Variants in COBLL1 observed in about 807,000 individuals in gnomAD.
COBLL1 encodes the protein cordon-bleu protein-like 1.
A neutral mutation model predicts 94.8 loss-of-function variants in COBLL1; 50 were observed. The ratio of observed to expected loss-of-function variants is 0.53; its 90% CI spans 0.42 to 0.67. The LOEUF (loss-of-function observed/expected upper bound fraction) is 0.67, where lower values mean the gene tolerates loss of function less well. Ranked by LOEUF, COBLL1 falls within the 30% of genes least tolerant of loss-of-function variation. The pLI, the probability that COBLL1 is intolerant of heterozygous loss-of-function variation, is 0.00. For synonymous variants in COBLL1, 448 were observed against 473.8 expected (o/e 0.95, Z 0.71); for missense variants, 1,362 against 1,348.7 (o/e 1.01, Z -0.15).
intron 3 of COBLL1, among the ~76,000 whole-genome samples, chr2:164,737,126 C>T (rs1021774058): frequency 1.3e-5 from 2 of 152,110 alleles, no homozygotes; most frequent in African/African-American, 4.8e-5. Flanking sequence ...TACACCACTG[C>T]ACTCCAGCCT....
intron 1 of COBLL1, among the ~76,000 whole-genome samples, chr2:164,672,728 A>AAAAAAAAAAAAT (rs67260713): frequency 7.5e-6 from 1 of 132,494 alleles, no homozygotes; most frequent in African/African-American, 3.2e-5. Context: ...AAAAAAAAAA[A>AAAAAAAAAAAAT]ATGACTTTGT....
chr2:164,714,802 A>G (rs1685081438), intron 7 of COBLL1, among the ~76,000 whole-genome samples: 1 of 152,218 alleles, frequency 6.6e-6, no homozygotes, highest in Non-Finnish European at 1.5e-5. Flanking sequence ...ATACTGGTAA[A>G]GTAAGCCTCC....
rs541137295 is a variant in COBLL1, at chr2:164,684,164, T to C, written c.*1782A>G. On this transcript the variant is annotated 3_prime_UTR_variant, in exon 14 of 14. Coordinates refer to ENST00000652658, the MANE Select transcript of COBLL1 (RefSeq NM_001365672.2). The stretch of plus-strand genomic sequence containing the variant: ...TATTTCCCTGATTATCAGTGAAGAG[T>C]ATTTTTTTTCCATGTTTGTTGGCCT... The C allele has an allele frequency of 2.6e-5, 4 of 152,224 alleles. No homozygotes were observed. The East Asian group carries it at 7.7e-4, about 29-fold the overall frequency. The allele number at this position is 152,224 out of a possible 1,614,324, so 9.4% of individuals were successfully genotyped here. A position where few individuals can be genotyped will look rare whatever the true frequency, so the allele number is the denominator to read the frequency against.
rs930961362 is a variant in COBLL1, at chr2:164,684,419, C to A, written c.*1527G>T. ...TTATAAGTAGATAATTATGACAACA[C>A]AATTTTTTAAAAAAAATTCACTCCT... is the stretch of plus-strand genomic sequence containing the variant. On this transcript the variant is annotated 3_prime_UTR_variant, in exon 14 of 14. Transcript: ENST00000652658. The A allele has an allele frequency of 6.6e-6, 1 of 151,988 alleles. No individual in the cohort carries two copies. Among genetic ancestry groups the A allele is most frequent in the African/African-American group, 2.4e-5 (1 of 41,394 alleles). 9.4% of individuals were successfully genotyped at this position (151,988 alleles called of 1,614,324 possible). A position where few individuals can be genotyped will look rare whatever the true frequency, so the allele number is the denominator to read the frequency against.
chr2:164,714,714 C>T lies in COBLL1; in HGVS notation c.996+7361G>A, dbSNP rs567541381. On this transcript the variant is annotated intron_variant, in intron 7 of 13. Transcript: ENST00000652658. The stretch of plus-strand genomic sequence containing the variant: ...CTATCTGCCCTGGCCTCTGTTAACA[C>T]ATGCTGGTTACCAGAGAAATGCAAA... Among the ~76,000 whole-genome samples the T allele has an allele frequency of 2.6e-5, 4 of 152,262 alleles. No homozygotes were observed. The East Asian group carries it at 7.7e-4, about 29-fold the overall frequency.
At chr2:164,840,843 A>T in intron 2 of COBLL1, 1 of 298,440 alleles carries the variant, frequency 3.4e-6, no homozygotes, top group Non-Finnish European at 6.1e-6. Context: ...CCGCTCCCCC[A>T]GAGCCCAAAC....
chr2:164,702,575 A>AAAAAAAT (rs1553469790), intron 9 of COBLL1, among the ~76,000 whole-genome samples: 15 of 135,076 alleles, frequency 1.1e-4, no homozygotes, highest in African/African-American at 3.9e-4. Context: ...AAAAAAAAAA[A>AAAAAAAT]AATAATAATA....
intron 2 of COBLL1, among the ~76,000 whole-genome samples, chr2:164,811,728 A>G (rs1684468174): frequency 6.6e-6 from 1 of 151,982 alleles, no homozygotes; most frequent in Non-Finnish European, 1.5e-5. Flanking sequence ...GGAACAGCCA[A>G]AAAAGTATAT....
intron 2 of COBLL1, among the ~76,000 whole-genome samples, chr2:164,781,287 T>C (rs971222446): frequency 3.3e-5 from 5 of 152,140 alleles, no homozygotes; most frequent in Non-Finnish European, 7.4e-5. Context: ...AATAGCACAA[T>C]AATGGCCCAT....
intron 2 of COBLL1, among the ~76,000 whole-genome samples, chr2:164,819,179 TATA>T (rs1024715975): frequency 8.2e-4 from 125 of 152,280 alleles, no homozygotes; most frequent in Non-Finnish European, 2.4e-4. Context: ...GAATTGTCTC[TATA>T]ATAATAATCA....
chr2:164,813,467 T>G (rs183415787), intron 2 of COBLL1, among the ~76,000 whole-genome samples: 3 of 152,256 alleles, frequency 2.0e-5, no homozygotes, highest in Non-Finnish European at 4.4e-5. Flanking sequence ...ATTATTTTCA[T>G]CATGTAACCA....
intron 3 of COBLL1, among the ~76,000 whole-genome samples, chr2:164,732,773 T>C (rs6735389): frequency 0.042 from 6,340 of 152,240 alleles, 442 homozygotes; most frequent in African/African-American, 0.14. Context: ...ACAAGACAAA[T>C]GGCCGGGTGC....
intron 2 of COBLL1, among the ~76,000 whole-genome samples, chr2:164,834,691 C>G (rs143350997): frequency 0.011 from 1,643 of 152,326 alleles, 7 homozygotes; most frequent in African/African-American, 0.026. Flanking sequence ...ATCTGGACTA[C>G]TCAACTATAA....
chr2:164,783,947 C>A (rs1047489465), intron 2 of COBLL1, among the ~76,000 whole-genome samples: 4 of 152,176 alleles, frequency 2.6e-5, no homozygotes, highest in African/African-American at 9.7e-5. Context: ...GCATGGGCAA[C>A]AGAGAGCTAC....
intron 7 of COBLL1, among the ~76,000 whole-genome samples, chr2:164,706,045 A>G (rs1276272546): frequency 6.6e-6 from 1 of 152,130 alleles, no homozygotes; most frequent in Non-Finnish European, 1.5e-5. Flanking sequence ...GAAAAAATGA[A>G]TAAATAAACA....
chr2:164,673,078 A>G (rs1190466319), intron 1 of COBLL1, among the ~76,000 whole-genome samples: 1 of 152,216 alleles, frequency 6.6e-6, no homozygotes, highest in Non-Finnish European at 1.5e-5. Flanking sequence ...TAATTTTGGA[A>G]AAAGCAATTG....
intron 2 of COBLL1, among the ~76,000 whole-genome samples, chr2:164,759,116 CA>C (rs1347269406): frequency 6.6e-5 from 10 of 152,010 alleles, no homozygotes; most frequent in Non-Finnish European, 1.2e-4. Flanking sequence ...ACAATAAAAC[CA>C]AAAGTTGCTT....
chr2:164,809,509 C>T (rs924684909), intron 2 of COBLL1, among the ~76,000 whole-genome samples: 106 of 151,906 alleles, frequency 7.0e-4, no homozygotes, highest in African/African-American at 2.5e-3. Context: ...TGACAAATAG[C>T]TCAAAATTAC....
At chr2:164,737,607 C>A (rs962269321) in intron 3 of COBLL1, among the ~76,000 whole-genome samples, 1 of 149,190 alleles carries the variant, frequency 6.7e-6, no homozygotes, top group Non-Finnish European at 1.5e-5. Context: ...AAAAAAATTA[C>A]CCTGCTATAA....
Sources: allele counts gnomAD v4.1 joint callset (sites outside exome capture counted in the v4.1 genomes callset), GRCh38; gene constraint gnomAD v4.1.1; transcripts MANE v1.5; gene names NCBI Gene and HGNC (gene_info 2026-07-23, HGNC 2026-07-21).